FGGY: variants seen among roughly 807,000 people sequenced by gnomAD.
FGGY encodes FGGY carbohydrate kinase domain-containing protein.
A neutral mutation model predicts 71.3 loss-of-function variants in FGGY; 72 were observed. The observed-to-expected ratio is 1.01, with a 90% CI of 0.84 to 1.23. FGGY has a LOEUF of 1.23. Among genes scored for constraint, FGGY ranks in the 50% most tolerant of loss-of-function variants. The probability of loss-of-function intolerance (pLI) is 0.00; values close to 1 mark genes in which losing one functional copy is unlikely to be tolerated. For missense variants in FGGY, 668 were observed against 682.3 expected, an observed-to-expected ratio of 0.98 and a Z score of 0.23; for synonymous variants, 251 against 250.3, an observed-to-expected ratio of 1.00 and a Z score of -0.02.
At chr1:59,296,555 G>C (rs78303895), upstream of FGGY, 2 of 152,430 alleles carry the variant, frequency 1.3e-5, no homozygotes, top group East Asian at 1.9e-4. Flanking sequence ...CCCTGCCCGC[G>C]GTTGGCTAGG....
intron 10 of FGGY, among the ~76,000 whole-genome samples, chr1:59,628,810 C>T (rs1480944670): frequency 6.6e-6 from 1 of 152,124 alleles, no homozygotes; most frequent in African/African-American, 2.4e-5. Context: ...ACTCTGAAGC[C>T]AAATTGCCTT....
At chr1:59,626,077 A>T in intron 10 of FGGY, 28 bp downstream of exon 10, 1 of 1,603,238 alleles carries the variant, frequency 6.2e-7, no homozygotes, top group Non-Finnish European at 8.5e-7. Flanking sequence ...TCCCTCTAAA[A>T]TTTTCCTTGT....
At chr1:59,638,584 G>A (rs2096986245) in intron 11 of FGGY, among the ~76,000 whole-genome samples, 1 of 152,256 alleles carries the variant, frequency 6.6e-6, no homozygotes, top group East Asian at 1.9e-4. Context: ...AGCGTTAAAA[G>A]CAGCATTTCC....
intron 14 of FGGY, among the ~76,000 whole-genome samples, chr1:59,686,148 A>T (rs1227307593): frequency 6.6e-6 from 1 of 152,108 alleles, no homozygotes; most frequent in Non-Finnish European, 1.5e-5. Flanking sequence ...CTTTTTGGAG[A>T]TGTCACTTGA....
intron 6 of FGGY, among the ~76,000 whole-genome samples, chr1:59,506,798 CA>C (rs1049409806): frequency 2.2e-5 from 3 of 136,840 alleles, no homozygotes; most frequent in African/African-American, 5.4e-5. Context: ...GACTCTGTCT[CA>C]AAAAAAAAAT....
At chr1:59,708,048 A>G (rs1464545913) in intron 14 of FGGY, among the ~76,000 whole-genome samples, 4 of 152,166 alleles carry the variant, frequency 2.6e-5, no homozygotes, top group Non-Finnish European at 5.9e-5. Context: ...TCCTAAGGTT[A>G]TATAGAGAGA....
At chr1:59,437,802 G>A (rs1326053203) in intron 5 of FGGY, among the ~76,000 whole-genome samples, 1 of 152,208 alleles carries the variant, frequency 6.6e-6, no homozygotes, top group Admixed American at 6.5e-5. Flanking sequence ...ATTGGGTTAA[G>A]GGAACTAACT....
Position 59,654,289 on chromosome 1 carries a change from T to G in FGGY, c.1222-5930T>G, listed in dbSNP as rs10889148. ...TTGTCCTCCAATGTCCCTTTTCCCTTTAGAGGCTTCCTATAAATCTTTCTC... is the reference window on the plus strand; with the variant it reads ...TTGTCCTCCAATGTCCCTTTTCCCTGTAGAGGCTTCCTATAAATCTTTCTC... On this transcript the variant is annotated intron_variant, in intron 11 of 15. Transcript: ENST00000303721. Among the ~76,000 whole-genome samples, 3 of 152,094 alleles carry G rather than the reference T, an allele frequency of 2.0e-5. No homozygotes were observed. In the East Asian group the frequency reaches 5.8e-4, roughly 30 times the overall value.
intron 4 of FGGY, among the ~76,000 whole-genome samples, chr1:59,366,639 T>C (rs556048354): frequency 6.6e-6 from 1 of 152,360 alleles, no homozygotes; most frequent in South Asian, 2.1e-4. Context: ...GTGTACATCT[T>C]TCTCTCGAAA....
At chr1:59,629,654 C>T (rs544128738) in intron 10 of FGGY, among the ~76,000 whole-genome samples, 92 of 152,200 alleles carry the variant, frequency 6.0e-4, no homozygotes, top group African/African-American at 2.2e-3. Flanking sequence ...GTGAAGGGAC[C>T]ATAACGGTCA....
At chr1:59,660,340 A>G (rs768449256) in intron 12 of FGGY, 47 bp downstream of exon 12, 11 of 1,485,940 alleles carry the variant, frequency 7.4e-6, no homozygotes, top group Admixed American at 1.7e-5. Flanking sequence ...AGCCATCAGT[A>G]TACTCTAGGC....
At chr1:59,350,103 G>A (rs752642739) in intron 4 of FGGY, among the ~76,000 whole-genome samples, 2 of 152,080 alleles carry the variant, frequency 1.3e-5, no homozygotes, top group Non-Finnish European at 2.9e-5. Context: ...TCAAGTGCCC[G>A]TTCAGTATAA....
chr1:59,349,602 A>T (rs944404516), intron 4 of FGGY, among the ~76,000 whole-genome samples: 33 of 152,184 alleles, frequency 2.2e-4, no homozygotes, highest in African/African-American at 7.7e-4. Flanking sequence ...CCCTCTGAGA[A>T]CATCTTATAT....
chr1:59,721,860 A>G (rs1447059006), intron 14 of FGGY, among the ~76,000 whole-genome samples: 2 of 152,172 alleles, frequency 1.3e-5, no homozygotes, highest in African/African-American at 4.8e-5. Flanking sequence ...AGATTAACCA[A>G]CTTGTATCAA....
intron 8 of FGGY, among the ~76,000 whole-genome samples, chr1:59,559,110 A>G (rs555803891): frequency 1.3e-5 from 2 of 152,334 alleles, no homozygotes; most frequent in Admixed American, 6.5e-5. Context: ...AGTTAACACA[A>G]TAGTGGTCCT....
intron 4 of FGGY, among the ~76,000 whole-genome samples, chr1:59,346,806 T>C (rs187172661): frequency 6.6e-6 from 1 of 152,236 alleles, no homozygotes; most frequent in African/African-American, 2.4e-5. Flanking sequence ...CATTTTTTTT[T>C]AATTTTAAAA....
rs566858460 is a variant in FGGY, at chr1:59,588,990, C to A, written c.904-18813C>A. ...AAATGCTCCAATTAAAAGACACAGT[C>A]TGGTAAATTGGATAAAGAGTCAAGA... On this transcript the variant is annotated intron_variant, in intron 8 of 15. Transcript: ENST00000303721. 9.2e-5 allele frequency among the ~76,000 whole-genome samples: 14 copies of A among 152,252 alleles called. No individual in the cohort carries two copies. The South Asian group carries it at 2.9e-3, about 32-fold the overall frequency.
At chr1:59,589,178 C>A (rs1053070152) in intron 8 of FGGY, among the ~76,000 whole-genome samples, 1 of 152,014 alleles carries the variant, frequency 6.6e-6, no homozygotes, top group East Asian at 1.9e-4. Context: ...CAACAAAGAT[C>A]AAAAGAGACA....
intron 14 of FGGY, among the ~76,000 whole-genome samples, chr1:59,692,306 A>G (rs2097596677): frequency 1.3e-5 from 2 of 152,188 alleles, no homozygotes; most frequent in South Asian, 2.1e-4. Flanking sequence ...TACCCACTAC[A>G]TTCTAAGCTT....
Sources: gnomAD v4.1 joint callset for allele counts (sites outside exome capture counted in the v4.1 genomes callset) on GRCh38, gnomAD v4.1.1 for gene constraint, MANE v1.5 for transcripts, NCBI Gene and HGNC (gene_info 2026-07-23, HGNC 2026-07-21) for gene names.